IFTAP: variants seen among roughly 807,000 people sequenced by gnomAD.
The protein encoded by IFTAP is intraflagellar transport-associated protein.
In IFTAP, 19 loss-of-function variants were observed where a neutral mutation model predicts 19.4. The observed-to-expected ratio is 0.98, with a 90% CI of 0.68 to 1.44. IFTAP has a LOEUF of 1.44. Ranked by LOEUF, IFTAP falls within the 40% of genes most tolerant of loss-of-function variation. IFTAP has a pLI of 0.00. For synonymous variants in IFTAP, 85 were observed against 83.5 expected (o/e 1.02, Z -0.10); for missense variants, 240 against 253.6 (o/e 0.95, Z 0.36).
rs1852929133 is a variant in IFTAP, at chr11:36,635,913, A to G, written c.292-138A>G. 6.0e-6 allele frequency: 4 copies of G among 669,438 alleles called. No individual in the cohort carries two copies. In the South Asian group the frequency reaches 6.5e-5, roughly 11 times the overall value. The allele number at this position is 669,438 out of a possible 1,614,324, so 41.5% of individuals were successfully genotyped here. On this transcript the variant is annotated intron_variant, in intron 3 of 5. Coordinates refer to ENST00000334307, the MANE Select transcript of IFTAP (RefSeq NM_138787.4). Reference sequence around the variant, plus strand: ...AAGCACAGTGAACACAAAAGCCTTGAGCTGGGACTCAAGAGTTAATGAGAA... The same window carrying G: ...AAGCACAGTGAACACAAAAGCCTTGGGCTGGGACTCAAGAGTTAATGAGAA...
chr11:36,604,324 G>A (rs893418084), intron 1 of IFTAP, among the ~76,000 whole-genome samples: 1 of 152,150 alleles, frequency 6.6e-6, no homozygotes, highest in African/African-American at 2.4e-5. Context: ...ATAATGAAGA[G>A]GTCTATGCCT....
intron 3 of IFTAP, among the ~76,000 whole-genome samples, 165 bp from the exon 4 acceptor site, chr11:36,635,886 G>A (rs891002116): frequency 1.3e-5 from 2 of 152,168 alleles, no homozygotes; most frequent in African/African-American, 4.8e-5. Context: ...TGTCTCTTGG[G>A]AAAGCACAGT....
At chr11:36,605,919 G>A (rs12286658) in intron 1 of IFTAP, among the ~76,000 whole-genome samples, 6,228 of 152,110 alleles carry the variant, frequency 0.041, 413 homozygotes, top group African/African-American at 0.14. Context: ...AAAATACTTC[G>A]TGATAAAAAC....
At chr11:36,617,826 C>T (rs1054125825) in intron 2 of IFTAP, among the ~76,000 whole-genome samples, 1 of 151,892 alleles carries the variant, frequency 6.6e-6, no homozygotes, top group African/African-American at 2.4e-5. Flanking sequence ...AATAATTTGC[C>T]TGAGGTCAGA....
chr11:36,595,400 TAGAG>T (rs1851175724), intron 1 of IFTAP: 1 of 152,262 alleles, frequency 6.6e-6, no homozygotes, highest in African/African-American at 2.4e-5. Context: ...TTGTTTACCT[TAGAG>T]AGTTGTGGAA....
intron 1 of IFTAP, among the ~76,000 whole-genome samples, chr11:36,600,363 G>A (rs1341759199): frequency 6.6e-6 from 1 of 152,238 alleles, no homozygotes; most frequent in Non-Finnish European, 1.5e-5. Context: ...GCCGCAGGCC[G>A]GCAAGCCTTA....
intron 2 of IFTAP, among the ~76,000 whole-genome samples, chr11:36,626,601 G>C (rs765711229): frequency 2.0e-5 from 3 of 151,216 alleles, no homozygotes; most frequent in Non-Finnish European, 4.4e-5. Context: ...TGAGATCCCT[G>C]CTCTCCTTAG....
intron 5 of IFTAP, among the ~76,000 whole-genome samples, chr11:36,652,582 A>G (rs1473154944): frequency 6.6e-6 from 1 of 152,132 alleles, no homozygotes; most frequent in African/African-American, 2.4e-5. Flanking sequence ...AGAACTTCCA[A>G]CACTATGTTG....
intron 2 of IFTAP, among the ~76,000 whole-genome samples, chr11:36,627,674 G>A (rs933659260): frequency 6.6e-6 from 1 of 151,210 alleles, no homozygotes; most frequent in African/African-American, 2.5e-5. Flanking sequence ...CAAATATGCT[G>A]CATCTGTTCC....
At position 36,647,468 on chromosome 11, in the gene IFTAP, T is replaced by G. The variant is rs148872902; in HGVS notation, c.359-548T>G. On this transcript the variant is annotated intron_variant, in intron 4 of 5. Transcript: ENST00000334307. ...GCTTAACAAGCAGGAAACATGTTGC[T>G]GCTGTTCTTTGCAAGTGTTGAAAAT... 2.0e-3 allele frequency among the ~76,000 whole-genome samples: 300 copies of G among 152,250 alleles called. 1 individual carries two copies. Among genetic ancestry groups the G allele is most frequent in the African/African-American group, 6.9e-3 (287 of 41,566 alleles).
chr11:36,635,819 C>T (rs1473474393), intron 3 of IFTAP, among the ~76,000 whole-genome samples: 2 of 152,150 alleles, frequency 1.3e-5, no homozygotes, highest in African/African-American at 4.8e-5. Context: ...GTGCAGAGGC[C>T]TGACTATGGT....
chr11:36,623,681 C>T (rs58084113), intron 2 of IFTAP, among the ~76,000 whole-genome samples: 17,266 of 152,180 alleles, frequency 0.11, 1,156 homozygotes, highest in African/African-American at 0.17. Flanking sequence ...ACTGTGTTCT[C>T]TGTGAGTGTT....
intron 1 of IFTAP, among the ~76,000 whole-genome samples, chr11:36,603,922 CA>C (rs562737848): frequency 0.027 from 3,079 of 113,592 alleles, 87 homozygotes; most frequent in Admixed American, 0.12. Flanking sequence ...AACTCAGTCT[CA>C]AAAAAAAAAA....
intron 2 of IFTAP, among the ~76,000 whole-genome samples, chr11:36,628,807 A>G (rs11033725): frequency 0.16 from 24,152 of 150,966 alleles, 3,478 homozygotes; most frequent in African/African-American, 0.34. Flanking sequence ...ATTTTTCCAG[A>G]CCAGGGTTGT....
chr11:36,652,857 A>G (rs565381072), intron 5 of IFTAP, among the ~76,000 whole-genome samples: 52 of 152,198 alleles, frequency 3.4e-4, no homozygotes, highest in Middle Eastern at 6.8e-3. Context: ...TGTATATAGA[A>G]TTATGTGTAT....
chr11:36,620,969 G>A (rs16929178), intron 2 of IFTAP, among the ~76,000 whole-genome samples: 17,207 of 151,460 alleles, frequency 0.11, 1,150 homozygotes, highest in African/African-American at 0.17. Context: ...TAGACAAATG[G>A]GATTTTAAAC....
rs1322752255 is a variant in IFTAP at position 36,638,297 on chromosome 11, A to G, written c.358+2180A>G. ...GTTACATTTTTCAATTACCAGATTT[A>G]TTTTAAAATATTGATAAAAACATCT... is the stretch of plus-strand genomic sequence containing the variant. On this transcript the variant is annotated intron_variant, in intron 4 of 5. Coordinates refer to ENST00000334307, the MANE Select transcript of IFTAP (RefSeq NM_138787.4). Among the ~76,000 whole-genome samples, 3 of 152,118 alleles carry G rather than the reference A, an allele frequency of 2.0e-5. No homozygotes were observed. The East Asian group carries it at 5.8e-4, about 29-fold the overall frequency.
chr11:36,618,088 G>A (rs1436414049), intron 2 of IFTAP, among the ~76,000 whole-genome samples: 2 of 151,972 alleles, frequency 1.3e-5, no homozygotes, highest in African/African-American at 4.8e-5. Context: ...TACAGATGAG[G>A]AAACCAAGGC....
At chr11:36,616,953 A>T (rs1459023988) in intron 2 of IFTAP, among the ~76,000 whole-genome samples, 1 of 151,806 alleles carries the variant, frequency 6.6e-6, no homozygotes, top group Non-Finnish European at 1.5e-5. Context: ...CCGTTTCTTT[A>T]AAATGTAAAC....
Sources: gnomAD v4.1 joint callset for allele counts (sites outside exome capture counted in the v4.1 genomes callset) on GRCh38, gnomAD v4.1.1 for gene constraint, MANE v1.5 for transcripts, NCBI Gene and HGNC (gene_info 2026-07-23, HGNC 2026-07-21) for gene names.